The following CCSER1 variants were observed in gnomAD, a reference collection of about 807,000 sequenced individuals.
CCSER1 encodes serine-rich coiled-coil domain-containing protein 1.
CCSER1 carries 41 observed loss-of-function variants against 82.0 expected under a neutral mutation model. The ratio of observed to expected loss-of-function variants is 0.50; its 90% confidence interval spans 0.39 to 0.65. The LOEUF is 0.65. Ranked by LOEUF, CCSER1 falls within the 30% of genes least tolerant of loss-of-function variation. The pLI is 0.00. For missense variants in CCSER1, 1,119 were observed against 1,064.2 expected (o/e 1.05, Z -0.72); for synonymous variants, 414 against 383.9 (o/e 1.08, Z -0.92).
intron 8 of CCSER1, among the ~76,000 whole-genome samples, chr4:90,825,291 G>T (rs555596666): frequency 1.3e-5 from 2 of 152,114 alleles, no homozygotes; most frequent in African/African-American, 4.8e-5. Context: ...TAATTTATAC[G>T]TAAAGTTAAA....
At chr4:91,006,212 G>A (rs1018253741) in intron 9 of CCSER1, among the ~76,000 whole-genome samples, 1 of 151,586 alleles carries the variant, frequency 6.6e-6, no homozygotes, top group African/African-American at 2.4e-5. Context: ...ATAGTTTTCA[G>A]TGTAGAGATC....
chr4:90,967,640 T>C (rs544140583), intron 9 of CCSER1, among the ~76,000 whole-genome samples: 4 of 152,184 alleles, frequency 2.6e-5, no homozygotes, highest in African/African-American at 9.6e-5. Context: ...TAATGGTTAG[T>C]GATGGTTTCT....
At chr4:91,511,206 C>A (rs966311218) in intron 10 of CCSER1, among the ~76,000 whole-genome samples, 1 of 151,958 alleles carries the variant, frequency 6.6e-6, no homozygotes, top group African/African-American at 2.4e-5. Context: ...GTACTAGTAC[C>A]ATGCTGTTTT....
rs117981239 is a variant in CCSER1, at chr4:91,312,194, C to T, written c.2217+226200C>T. Among the ~76,000 whole-genome samples the T allele has an allele frequency of 5.3e-5, 8 of 151,712 alleles. No individual in the cohort carries two copies. The East Asian group carries it at 1.6e-3, about 30-fold the overall frequency. On this transcript the variant is annotated intron_variant, in intron 10 of 10. Coordinates refer to ENST00000509176, the MANE Select transcript of CCSER1 (RefSeq NM_001145065.2). ...ATAATAATAGTAATATAGGGCTAATCATTTAGTATTACTAAAAGAATGACT... is the reference window on the plus strand; with the variant it reads ...ATAATAATAGTAATATAGGGCTAATTATTTAGTATTACTAAAAGAATGACT...
At chr4:90,669,454 C>G (rs1732397321) in intron 6 of CCSER1, among the ~76,000 whole-genome samples, 1 of 151,998 alleles carries the variant, frequency 6.6e-6, no homozygotes, top group African/African-American at 2.4e-5. Flanking sequence ...CTTTAATACT[C>G]TATAGAATCC....
chr4:91,436,630 A>C (rs1454354380), intron 10 of CCSER1, among the ~76,000 whole-genome samples: 3 of 152,174 alleles, frequency 2.0e-5, no homozygotes, highest in Admixed American at 6.5e-5. Context: ...GGGGAGGTAA[A>C]TGAGAAAATG....
chr4:91,245,827 G>A (rs538239568), intron 10 of CCSER1, among the ~76,000 whole-genome samples: 1 of 152,130 alleles, frequency 6.6e-6, no homozygotes, highest in Admixed American at 6.5e-5. Context: ...CTCCTGAGTA[G>A]CTGGGATTAC....
chr4:90,607,294 AATGT>A (rs1185785129), intron 5 of CCSER1, among the ~76,000 whole-genome samples: 2 of 152,196 alleles, frequency 1.3e-5, no homozygotes, highest in African/African-American at 4.8e-5. Context: ...TATGTGTTAA[AATGT>A]TCTCATTCCT....
chr4:90,944,271 C>T (rs1442271811), intron 9 of CCSER1, among the ~76,000 whole-genome samples: 1 of 151,084 alleles, frequency 6.6e-6, no homozygotes, highest in African/African-American at 2.4e-5. Flanking sequence ...TAGTAGAATG[C>T]TATGTATCCA....
At chr4:91,316,101 G>A (rs557341794) in intron 10 of CCSER1, among the ~76,000 whole-genome samples, 161 of 152,088 alleles carry the variant, frequency 1.1e-3, no homozygotes, top group African/African-American at 3.6e-3. Flanking sequence ...CATGTAGGAC[G>A]TAACTTTGTT....
At chr4:90,827,575 C>T (rs753802336) in intron 8 of CCSER1, among the ~76,000 whole-genome samples, 1 of 152,172 alleles carries the variant, frequency 6.6e-6, no homozygotes, top group Non-Finnish European at 1.5e-5. Flanking sequence ...TAGGGCATCA[C>T]AGACACATTT....
At chr4:90,568,893 A>G (rs555825903) in intron 5 of CCSER1, among the ~76,000 whole-genome samples, 4 of 151,236 alleles carry the variant, frequency 2.6e-5, no homozygotes, top group African/African-American at 9.7e-5. Flanking sequence ...TCAGCCTCCA[A>G]AGTAGCTGGG....
chr4:91,128,177 G>A (rs186138935), intron 10 of CCSER1, among the ~76,000 whole-genome samples: 4 of 151,982 alleles, frequency 2.6e-5, no homozygotes, highest in East Asian at 1.9e-4. Context: ...CCAGGCCCAC[G>A]TGTTCTTTTC....
At chr4:90,651,164 AT>A (rs1214784552) in intron 6 of CCSER1, among the ~76,000 whole-genome samples, 1 of 152,204 alleles carries the variant, frequency 6.6e-6, no homozygotes, top group African/African-American at 2.4e-5. Flanking sequence ...TTCTCAAAAA[AT>A]TTTAGCAGAT....
At chr4:90,529,588 C>A (rs1268960781) in intron 5 of CCSER1, among the ~76,000 whole-genome samples, 1 of 151,990 alleles carries the variant, frequency 6.6e-6, no homozygotes, top group African/African-American at 2.4e-5. Flanking sequence ...ACTAATGGTC[C>A]CCTGTTTTAT....
intron 10 of CCSER1, among the ~76,000 whole-genome samples, chr4:91,491,301 T>G (rs1758529448): frequency 6.6e-6 from 1 of 151,974 alleles, no homozygotes; most frequent in South Asian, 2.1e-4. Flanking sequence ...AAATTTGGGG[T>G]CAGAGGCAAG....
intron 10 of CCSER1, among the ~76,000 whole-genome samples, chr4:91,545,555 A>G (rs1269836779): frequency 6.6e-6 from 1 of 152,148 alleles, no homozygotes; most frequent in Non-Finnish European, 1.5e-5. Context: ...TGCTAATATA[A>G]ATAGTAATGT....
At chr4:90,521,477 C>T (rs1773122357) in intron 5 of CCSER1, among the ~76,000 whole-genome samples, 1 of 152,084 alleles carries the variant, frequency 6.6e-6, no homozygotes, top group Non-Finnish European at 1.5e-5. Flanking sequence ...TGTCATTGAC[C>T]ACCCACAAGC....
intron 3 of CCSER1, among the ~76,000 whole-genome samples, chr4:90,326,493 C>G (rs1002210567): frequency 2.7e-5 from 4 of 146,178 alleles, no homozygotes; most frequent in Non-Finnish European, 6.0e-5. Flanking sequence ...ATATATATAT[C>G]TTCTGTTGTT....
Sources: gnomAD v4.1 joint callset for allele counts (sites outside exome capture counted in the v4.1 genomes callset) on GRCh38, gnomAD v4.1.1 for gene constraint, MANE v1.5 for transcripts, NCBI Gene and HGNC (gene_info 2026-07-23, HGNC 2026-07-21) for gene names.